RIMS2: variants seen among roughly 807,000 people sequenced by gnomAD.
RIMS2 encodes regulating synaptic membrane exocytosis 2, also known as regulating synaptic membrane exocytosis protein 2.
RIMS2 carries 59 observed loss-of-function variants against 174.4 expected under a neutral mutation model. The ratio of observed to expected loss-of-function variants is 0.34; its 90% CI spans 0.27 to 0.42. RIMS2 has a LOEUF of 0.42. Ranked by LOEUF, RIMS2 falls within the 10% of genes least tolerant of loss-of-function variation. The pLI is 1.00. For missense variants in RIMS2, 1,620 were observed against 1,666.3 expected (o/e 0.97, Z 0.48); for synonymous variants, 606 against 572.5 (o/e 1.06, Z -0.84).
intron 16 of RIMS2, among the ~76,000 whole-genome samples, chr8:103,986,906 A>G (rs962665822): frequency 6.6e-6 from 1 of 151,900 alleles, no homozygotes; most frequent in Non-Finnish European, 1.5e-5. Context: ...AATTAAAAAA[A>G]AAACAACCAG....
At chr8:104,179,575 A>T (rs1473324964) in intron 19 of RIMS2, among the ~76,000 whole-genome samples, 1 of 151,896 alleles carries the variant, frequency 6.6e-6, no homozygotes, top group Non-Finnish European at 1.5e-5. Context: ...TGAAATTTAC[A>T]TAATATCTAT....
intron 19 of RIMS2, chr8:104,093,625 G>T: frequency 6.3e-7 from 1 of 1,594,622 alleles, no homozygotes; most frequent in Non-Finnish European, 8.5e-7. Flanking sequence ...GAACGCCCAG[G>T]AGGAAACAAG....
chr8:103,824,015 T>C (rs2098770538), intron 3 of RIMS2, among the ~76,000 whole-genome samples: 1 of 152,060 alleles, frequency 6.6e-6, no homozygotes, highest in African/African-American at 2.4e-5. Context: ...ATAACACAAT[T>C]AATTATCTAT....
At position 103,918,504 on chromosome 8, in the gene RIMS2, C is replaced by G. The variant is rs1357217328; in HGVS notation, c.2083+17C>G. ...TGGAGTCCAGTAAGTTTTATTTATG[C>G]TGGAAGAAAACGTTATTTATAATTG... On this transcript the variant is annotated intron_variant, in intron 9 of 23. Transcript: ENST00000504942. The G allele has an allele frequency of 9.5e-6, 15 of 1,572,076 alleles. No individual in the cohort carries two copies. The highest frequency in any genetic ancestry group is 1.3e-5 in the Non-Finnish European group (15 of 1,143,500).
chr8:104,191,430 C>A (rs117058698), intron 19 of RIMS2, among the ~76,000 whole-genome samples: 1 of 152,158 alleles, frequency 6.6e-6, no homozygotes, highest in Non-Finnish European at 1.5e-5. Context: ...TTTATCAGAT[C>A]TGATTTAGTA....
At chr8:103,564,381 G>T (rs2092056197) in intron 1 of RIMS2, among the ~76,000 whole-genome samples, 2 of 152,116 alleles carry the variant, frequency 1.3e-5, no homozygotes, top group South Asian at 4.1e-4. Context: ...TAATAGGATA[G>T]ATGTATATAT....
chr8:103,821,398 T>C (rs1268766960), intron 3 of RIMS2, among the ~76,000 whole-genome samples: 1 of 151,676 alleles, frequency 6.6e-6, no homozygotes, highest in Non-Finnish European at 1.5e-5. Flanking sequence ...AACTACCAAT[T>C]ACTCGATAAG....
chr8:103,636,883 G>A (rs2096098543), intron 1 of RIMS2, among the ~76,000 whole-genome samples: 1 of 139,814 alleles, frequency 7.2e-6, no homozygotes, highest in South Asian at 2.3e-4. Flanking sequence ...AAGAACAAAA[G>A]GAATGTTTGG....
chr8:103,756,321 G>A (rs1301890053), intron 2 of RIMS2, among the ~76,000 whole-genome samples: 7 of 151,380 alleles, frequency 4.6e-5, no homozygotes, highest in Admixed American at 3.9e-4. Flanking sequence ...GCTGCAGACC[G>A]GAGCCGTTCC....
At chr8:103,623,680 G>A (rs1344177595) in intron 1 of RIMS2, among the ~76,000 whole-genome samples, 1 of 151,172 alleles carries the variant, frequency 6.6e-6, no homozygotes, top group Non-Finnish European at 1.5e-5. Context: ...TAGTAGAGAC[G>A]GGGTTTCACC....
At position 103,868,269 on chromosome 8, in the gene RIMS2, G is replaced by A. The variant is rs921612643; in HGVS notation, c.699-17029G>A. ...TCATTGGTGATGATGAAAACTACAA[G>A]GTGAAAAACCTAGAAATCATCTTAG... On this transcript the variant is annotated intron_variant, in intron 3 of 23. Coordinates refer to ENST00000504942, the Ensembl canonical transcript of RIMS2. 2.0e-5 allele frequency among the ~76,000 whole-genome samples: 3 copies of A among 151,920 alleles called. No individual in the cohort carries two copies. The East Asian group carries it at 5.8e-4, about 29-fold the overall frequency.
At chr8:104,163,563 T>G (rs1477235384) in intron 19 of RIMS2, among the ~76,000 whole-genome samples, 1 of 152,134 alleles carries the variant, frequency 6.6e-6, no homozygotes, top group Non-Finnish European at 1.5e-5. Flanking sequence ...AAATCAACCG[T>G]GTAGGATCTG....
chr8:104,118,285 C>T (rs954847931), intron 19 of RIMS2, among the ~76,000 whole-genome samples: 1 of 151,680 alleles, frequency 6.6e-6, no homozygotes, highest in Admixed American at 6.6e-5. Flanking sequence ...AAACTCAATA[C>T]CAAAGATTCT....
chr8:103,603,275 A>G (rs1057199316), intron 1 of RIMS2, among the ~76,000 whole-genome samples: 3 of 151,442 alleles, frequency 2.0e-5, no homozygotes, highest in Non-Finnish European at 4.4e-5. Context: ...GCGATAGTTT[A>G]CTGAGAATGA....
At chr8:104,187,016 G>A (rs1248096868) in intron 19 of RIMS2, among the ~76,000 whole-genome samples, 2 of 151,614 alleles carry the variant, frequency 1.3e-5, no homozygotes, top group African/African-American at 4.8e-5. Flanking sequence ...AAAGAAGATG[G>A]GAAAAAATAG....
At chr8:104,226,558 C>T (rs1226662853) in intron 19 of RIMS2, among the ~76,000 whole-genome samples, 3 of 152,164 alleles carry the variant, frequency 2.0e-5, no homozygotes, top group Non-Finnish European at 2.9e-5. Context: ...CCTCTCAGAG[C>T]TTTCAGCCTA....
chr8:103,620,437 TA>T (rs931541568), intron 1 of RIMS2, among the ~76,000 whole-genome samples: 9 of 151,424 alleles, frequency 5.9e-5, no homozygotes, highest in East Asian at 1.9e-4. Flanking sequence ...AGCTATAATT[TA>T]AAAAAAAATG....
chr8:103,977,728 A>T (rs1204817424), intron 16 of RIMS2, among the ~76,000 whole-genome samples: 1 of 152,224 alleles, frequency 6.6e-6, no homozygotes, highest in East Asian at 1.9e-4. Flanking sequence ...CTATCCAGTT[A>T]TAAATTGGAG....
intron 19 of RIMS2, among the ~76,000 whole-genome samples, chr8:104,184,026 A>G (rs1055661030): frequency 6.6e-6 from 1 of 151,516 alleles, no homozygotes; most frequent in Non-Finnish European, 1.5e-5. Flanking sequence ...ATTTTTTCCT[A>G]TGGCCATGGT....
Sources: gnomAD v4.1 joint callset for allele counts (sites outside exome capture counted in the v4.1 genomes callset) on GRCh38, gnomAD v4.1.1 for gene constraint, MANE v1.5 for transcripts, NCBI Gene and HGNC (gene_info 2026-07-23, HGNC 2026-07-21) for gene names.